Variants in NEDD4L observed in about 807,000 individuals in gnomAD.
NEDD4L encodes the protein E3 ubiquitin-protein ligase NEDD4-like.
In NEDD4L, 54 loss-of-function variants were observed where a neutral mutation model predicts 148.9. That is an observed-to-expected ratio of 0.36 (90% CI 0.29 to 0.45). The LOEUF (loss-of-function observed/expected upper bound fraction) is 0.45, where lower values mean the gene tolerates loss of function less well. Ranked by LOEUF, NEDD4L falls within the 20% of genes least tolerant of loss-of-function variation. The pLI, the probability that NEDD4L is intolerant of heterozygous loss-of-function variation, is 1.00. For missense variants in NEDD4L, 856 were observed against 1,233.8 expected (o/e 0.69, Z 4.59); for synonymous variants, 433 against 440.7 (o/e 0.98, Z 0.22).
chr18:58,133,508 A>G (rs2032435954), intron 1 of NEDD4L, among the ~76,000 whole-genome samples: 1 of 152,220 alleles, frequency 6.6e-6, no homozygotes, highest in African/African-American at 2.4e-5. Context: ...TTTAGATAAT[A>G]TGTTCTTTGC....
chr18:58,120,116 T>C (rs1282329734), intron 1 of NEDD4L, among the ~76,000 whole-genome samples: 3 of 152,156 alleles, frequency 2.0e-5, no homozygotes, highest in African/African-American at 7.2e-5. Flanking sequence ...CTTGCTCTCT[T>C]CAGAACCCAT....
At chr18:58,310,816 G>A (rs929089941) in intron 5 of NEDD4L, among the ~76,000 whole-genome samples, 1 of 152,240 alleles carries the variant, frequency 6.6e-6, no homozygotes, top group Non-Finnish European at 1.5e-5. Flanking sequence ...AGCTGATGGG[G>A]TAGCTGCACT....
intron 13 of NEDD4L, 107 bp from the exon 14 acceptor site, chr18:58,340,931 A>G: frequency 2.5e-6 from 3 of 1,178,194 alleles, no homozygotes; most frequent in Non-Finnish European, 3.6e-6. Context: ...AATAGATCTA[A>G]TTAACTTTGT....
intron 16 of NEDD4L, among the ~76,000 whole-genome samples, chr18:58,345,224 A>G (rs897561556): frequency 2.0e-5 from 3 of 152,224 alleles, no homozygotes; most frequent in Non-Finnish European, 4.4e-5. Context: ...CCCCTTCTTA[A>G]GCGAATTCAG....
chr18:58,156,609 C>T (rs915417835), intron 1 of NEDD4L, among the ~76,000 whole-genome samples: 3 of 152,150 alleles, frequency 2.0e-5, no homozygotes, highest in Non-Finnish European at 4.4e-5. Context: ...CACCGCCTCC[C>T]ACGCCCCACA....
intron 2 of NEDD4L, among the ~76,000 whole-genome samples, chr18:58,213,231 C>G (rs513029): frequency 1.3e-5 from 2 of 151,790 alleles, no homozygotes; most frequent in Non-Finnish European, 2.9e-5. Context: ...CCTTTGTCCT[C>G]GGTTATTTGT....
chr18:58,145,658 C>T (rs1373453617), intron 1 of NEDD4L, among the ~76,000 whole-genome samples: 2 of 151,372 alleles, frequency 1.3e-5, no homozygotes, highest in Non-Finnish European at 2.9e-5. Flanking sequence ...TTGATGAATA[C>T]TCCTGTAAAT....
chr18:58,124,646 G>A (rs2030689562), intron 1 of NEDD4L, among the ~76,000 whole-genome samples: 1 of 152,156 alleles, frequency 6.6e-6, no homozygotes, highest in Non-Finnish European at 1.5e-5. Context: ...CCCACATGGA[G>A]CCGCTGCTCT....
intron 1 of NEDD4L, among the ~76,000 whole-genome samples, chr18:58,094,031 G>C (rs537617674): frequency 2.6e-4 from 40 of 152,138 alleles, no homozygotes; most frequent in Admixed American, 1.3e-4. Context: ...GATGGTGGCA[G>C]ATACAGCATG....
At chr18:58,257,059 A>G (rs1001823000) in intron 5 of NEDD4L, among the ~76,000 whole-genome samples, 2 of 152,216 alleles carry the variant, frequency 1.3e-5, no homozygotes, top group Non-Finnish European at 2.9e-5. Context: ...TTTTCTGAAT[A>G]GAAGAATTTC....
chr18:58,069,068 G>A (rs1257500312), intron 1 of NEDD4L, among the ~76,000 whole-genome samples: 1 of 151,148 alleles, frequency 6.6e-6, no homozygotes, highest in Non-Finnish European at 1.5e-5. Context: ...CCTGGGAGGT[G>A]GAGGTTGCAG....
At chr18:58,155,942 C>G (rs906553286) in intron 1 of NEDD4L, among the ~76,000 whole-genome samples, 15 of 152,182 alleles carry the variant, frequency 9.9e-5, no homozygotes, top group African/African-American at 3.4e-4. Context: ...CACTGGGCTT[C>G]CTGACTTCTC....
At chr18:58,085,351 T>C (rs1599162207) in intron 1 of NEDD4L, among the ~76,000 whole-genome samples, 1 of 152,122 alleles carries the variant, frequency 6.6e-6, no homozygotes. Flanking sequence ...GGCAGCAGTG[T>C]GGACTTGGTC....
At chr18:58,337,112 C>G (rs1343384486) in intron 13 of NEDD4L, among the ~76,000 whole-genome samples, 1 of 152,062 alleles carries the variant, frequency 6.6e-6, no homozygotes, top group Non-Finnish European at 1.5e-5. Flanking sequence ...CAAGGTGACC[C>G]CTCTGAATGA....
At chr18:58,246,671 A>T (rs894811732) in intron 3 of NEDD4L, among the ~76,000 whole-genome samples, 1 of 152,004 alleles carries the variant, frequency 6.6e-6, no homozygotes, top group East Asian at 1.9e-4. Context: ...TGCCATGTTG[A>T]CCAGGCTGGT....
chr18:58,188,115 C>T (rs1321505443), intron 2 of NEDD4L, among the ~76,000 whole-genome samples: 3 of 152,200 alleles, frequency 2.0e-5, no homozygotes, highest in Non-Finnish European at 2.9e-5. Flanking sequence ...GTGCGGCCAA[C>T]GCCTCTGTTC....
At chr18:58,315,638 C>T (rs1334461102) in intron 5 of NEDD4L, among the ~76,000 whole-genome samples, 1 of 152,148 alleles carries the variant, frequency 6.6e-6, no homozygotes, top group Non-Finnish European at 1.5e-5. Flanking sequence ...TTAAAATGTT[C>T]CCAGCATTTG....
chr18:58,285,848 T>C (rs1704241106), intron 5 of NEDD4L, among the ~76,000 whole-genome samples: 1 of 152,268 alleles, frequency 6.6e-6, no homozygotes, highest in South Asian at 2.1e-4. Flanking sequence ...TCCTCATTCT[T>C]CAACTCTTTA....
At chr18:58,110,916 T>C (rs781114278) in intron 1 of NEDD4L, among the ~76,000 whole-genome samples, 1 of 152,234 alleles carries the variant, frequency 6.6e-6, no homozygotes, top group Non-Finnish European at 1.5e-5. Context: ...TATTTTTCAA[T>C]GAACTAAATG....
Sources: allele counts gnomAD v4.1 joint callset (sites outside exome capture counted in the v4.1 genomes callset), GRCh38; gene constraint gnomAD v4.1.1; transcripts MANE v1.5; gene names NCBI Gene and HGNC (gene_info 2026-07-23, HGNC 2026-07-21).